The following RYR2 variants were observed in gnomAD, a reference collection of about 807,000 sequenced individuals.
RYR2 encodes the protein ryanodine receptor 2.
In RYR2, 227 loss-of-function variants were observed where a neutral mutation model predicts 601.1. The observed-to-expected ratio is 0.38, with a 90% CI of 0.34 to 0.42. The LOEUF is 0.42. Ranked by LOEUF, RYR2 falls within the 10% of genes least tolerant of loss-of-function variation. The pLI is 1.00. For synonymous variants in RYR2, 2,223 were observed against 2,175.1 expected (o/e 1.02, Z -0.61); for missense variants, 4,646 against 6,156.5 (o/e 0.75, Z 8.21).
At chr1:237,352,033 A>AG (rs377760929) in intron 3 of RYR2, among the ~76,000 whole-genome samples, 13,315 of 151,920 alleles carry the variant, frequency 0.088, 913 homozygotes, top group African/African-American at 0.19. Flanking sequence ...CCTTATTAAG[A>AG]TAAAAAAATA....
chr1:237,464,130 C>A (rs1447765221), intron 16 of RYR2, among the ~76,000 whole-genome samples: 5 of 152,130 alleles, frequency 3.3e-5, no homozygotes, highest in African/African-American at 1.2e-4. Flanking sequence ...ATCTTTGCAG[C>A]AAGACATCAC....
chr1:237,145,730 G>C (rs1169895028), intron 1 of RYR2, among the ~76,000 whole-genome samples: 1 of 152,116 alleles, frequency 6.6e-6, no homozygotes, highest in Admixed American at 6.5e-5. Flanking sequence ...AGACCCTCCA[G>C]AAATCAATAA....
rs1660641948 is a variant in RYR2 at position 237,806,416 on chromosome 1, T to G, written c.14298+133T>G. ...TTTTGAAGGGAGGGTCTGCACCTGT[T>G]CTAAACTGCAGGGATTAGTAGTTTG... is the stretch of plus-strand genomic sequence containing the variant. On this transcript the variant is annotated intron_variant, in intron 99 of 104. Transcript: ENST00000366574. 4.9e-6 allele frequency: 4 copies of G among 818,320 alleles called. No homozygotes were observed. In the South Asian group the frequency reaches 7.5e-5, roughly 15 times the overall value. 50.7% of individuals were successfully genotyped at this position (818,320 alleles called of 1,614,324 possible).
Position 237,590,939 on chromosome 1 carries a change from G to A in RYR2, c.4107G>A (p.Glu1369=), listed in dbSNP as rs2148438794. Residue 1369 remains glutamate, a synonymous_variant, in exon 31 of 105, where the codon GAG becomes GAA. Coordinates refer to ENST00000366574, the MANE Select transcript of RYR2 (RefSeq NM_001035.3). ...AAGACAAAGAAGCTACTAAACCAGAGTTTAACAACCACAAAGATTATGCCC... is the reference window on the plus strand; with the variant it reads ...AAGACAAAGAAGCTACTAAACCAGAATTTAACAACCACAAAGATTATGCCC... ...VDKDKEATKP[E]FNNHKDYAQE... 2 of 1,613,824 alleles carry A rather than the reference G, an allele frequency of 1.2e-6. No homozygotes were observed. Among genetic ancestry groups the A allele is most frequent in the Non-Finnish European group, 1.7e-6 (2 of 1,179,814 alleles).
intron 32 of RYR2, 139 bp downstream of exon 32, chr1:237,591,992 G>T: frequency 1.4e-6 from 1 of 692,188 alleles, no homozygotes; most frequent in Non-Finnish European, 2.3e-6. Context: ...ATATTTTGGG[G>T]ACTGAAAGTT....
Position 237,763,036 on chromosome 1 carries a change from G to T in RYR2, c.11476+2008G>T, listed in dbSNP as rs554350378. Among the ~76,000 whole-genome samples the T allele has an allele frequency of 2.0e-5, 3 of 152,236 alleles. No homozygotes were observed. In the East Asian group the frequency reaches 5.8e-4, roughly 29 times the overall value. On this transcript the variant is annotated intron_variant, in intron 84 of 104. Transcript: ENST00000366574. Reference sequence around the variant, plus strand: ...TTGTTGTAGACTGTTTTAACAAGTAGATTATTTAATTTCCATCATTATGCA... The same window carrying T: ...TTGTTGTAGACTGTTTTAACAAGTATATTATTTAATTTCCATCATTATGCA...
At chr1:237,723,964 A>G (rs961423939) in intron 74 of RYR2, among the ~76,000 whole-genome samples, 1 of 151,948 alleles carries the variant, frequency 6.6e-6, no homozygotes, top group Non-Finnish European at 1.5e-5. Flanking sequence ...TAGGTAAAAT[A>G]TCTGCAACAC....
At chr1:237,595,407 G>A in intron 33 of RYR2, 91 bp from the exon 34 acceptor site, 1 of 1,454,418 alleles carries the variant, frequency 6.9e-7, no homozygotes, top group Non-Finnish European at 9.3e-7. Flanking sequence ...CTTGTTGCTT[G>A]CGCAGCATAA....
At chr1:237,601,910 A>C in intron 34 of RYR2, 115 bp from the exon 35 acceptor site, 1 of 785,924 alleles carries the variant, frequency 1.3e-6, no homozygotes, top group Non-Finnish European at 2.0e-6. Flanking sequence ...GATATGCAAG[A>C]AAGGAAAATC....
At chr1:237,602,247 G>A (rs774864786) in intron 35 of RYR2, 136 bp downstream of exon 35, 175 of 617,390 alleles carry the variant, frequency 2.8e-4, no homozygotes, top group Middle Eastern at 9.5e-4. Context: ...AGATAGCCAT[G>A]CTTGAAAATC....
At chr1:237,659,903 A>G in intron 54 of RYR2, 82 bp from the exon 55 acceptor site, 5 of 798,502 alleles carry the variant, frequency 6.3e-6, no homozygotes, top group Non-Finnish European at 9.8e-6. Context: ...ATTTTATCAA[A>G]CACGCACTTA....
At chr1:237,489,094 A>G (rs1663037894) in intron 17 of RYR2, among the ~76,000 whole-genome samples, 1 of 152,202 alleles carries the variant, frequency 6.6e-6, no homozygotes, top group Admixed American at 6.5e-5. Context: ...AATACACAAT[A>G]AAATTTTATT....
At chr1:237,359,045 C>T (rs1033686162) in intron 4 of RYR2, among the ~76,000 whole-genome samples, 1 of 152,048 alleles carries the variant, frequency 6.6e-6, no homozygotes, top group Admixed American at 6.6e-5. Context: ...TACAGGTGCT[C>T]CTCCAGTTAG....
intron 1 of RYR2, among the ~76,000 whole-genome samples, chr1:237,107,302 A>G (rs1668795129): frequency 6.6e-6 from 1 of 151,654 alleles, no homozygotes; most frequent in Non-Finnish European, 1.5e-5. Context: ...CGGGCGGATC[A>G]CGAGGTCAGG....
At chr1:237,363,113 A>G (rs1017421511) in intron 4 of RYR2, among the ~76,000 whole-genome samples, 5 of 151,958 alleles carry the variant, frequency 3.3e-5, no homozygotes, top group Non-Finnish European at 7.4e-5. Context: ...TGAAGAAAGT[A>G]TCTCTTCACA....
intron 23 of RYR2, among the ~76,000 whole-genome samples, chr1:237,510,124 G>A (rs979162515): frequency 1.3e-5 from 2 of 152,230 alleles, no homozygotes; most frequent in African/African-American, 4.8e-5. Flanking sequence ...TGCTGTGAAT[G>A]TGGAAAAGCA....
intron 73 of RYR2, among the ~76,000 whole-genome samples, chr1:237,719,002 A>G (rs1689488215): frequency 6.6e-6 from 1 of 152,150 alleles, no homozygotes. Flanking sequence ...AGTGGCTCAC[A>G]CCTTTAATCC....
intron 24 of RYR2, among the ~76,000 whole-genome samples, chr1:237,524,983 A>G (rs551890574): frequency 1.4e-4 from 22 of 152,240 alleles, no homozygotes; most frequent in Non-Finnish European, 2.8e-4. Context: ...GTATATTGCT[A>G]TGTACAGAGA....
chr1:237,409,863 A>C (rs1704270403), intron 10 of RYR2, among the ~76,000 whole-genome samples: 1 of 152,124 alleles, frequency 6.6e-6, no homozygotes, highest in Non-Finnish European at 1.5e-5. Context: ...TGTTTTCTCT[A>C]CTTTTAACAT....
Sources: gnomAD v4.1 joint callset for allele counts (sites outside exome capture counted in the v4.1 genomes callset) on GRCh38, gnomAD v4.1.1 for gene constraint, MANE v1.5 for transcripts, NCBI Gene and HGNC (gene_info 2026-07-23, HGNC 2026-07-21) for gene names.